The following AGBL1 variants were observed in gnomAD, a reference collection of about 807,000 sequenced individuals.
AGBL1 encodes the protein AGBL carboxypeptidase 1, also known as cytosolic carboxypeptidase 4.
AGBL1 carries 130 observed loss-of-function variants against 118.9 expected under a neutral mutation model. That is an observed-to-expected ratio of 1.09 (90% CI 0.95 to 1.26). The LOEUF (loss-of-function observed/expected upper bound fraction) is 1.26. AGBL1 is among the 50% of genes most tolerant of loss of function. The pLI is 0.00. For missense variants in AGBL1, 1,584 were observed against 1,298.1 expected, an observed-to-expected ratio of 1.22 and a Z score of -3.38; for synonymous variants, 555 against 478.9, an observed-to-expected ratio of 1.16 and a Z score of -2.08.
At chr15:86,600,206 G>C (rs1377035703) in intron 21 of AGBL1, among the ~76,000 whole-genome samples, 1 of 152,066 alleles carries the variant, frequency 6.6e-6, no homozygotes, top group Non-Finnish European at 1.5e-5. Flanking sequence ...ACATTTCTGA[G>C]GACTTTTGAA....
At chr15:86,204,912 G>A (rs1184739305) in intron 5 of AGBL1, among the ~76,000 whole-genome samples, 2 of 152,032 alleles carry the variant, frequency 1.3e-5, no homozygotes, top group South Asian at 2.1e-4. Flanking sequence ...ATCTACATTG[G>A]CACTTCATTG....
intron 22 of AGBL1, among the ~76,000 whole-genome samples, chr15:86,847,957 A>G (rs78204549): frequency 2.0e-5 from 3 of 152,174 alleles, no homozygotes; most frequent in African/African-American, 7.2e-5. Flanking sequence ...TCAGGCTTGC[A>G]GAGAGACTGG....
intron 18 of AGBL1, among the ~76,000 whole-genome samples, chr15:86,493,289 A>C (rs2082807243): frequency 6.6e-6 from 1 of 152,224 alleles, no homozygotes; most frequent in East Asian, 1.9e-4. Flanking sequence ...AAAGAGATGG[A>C]TATAAATGCC....
intron 22 of AGBL1, among the ~76,000 whole-genome samples, chr15:86,682,091 T>C (rs1832723153): frequency 6.6e-6 from 1 of 152,210 alleles, no homozygotes; most frequent in Non-Finnish European, 1.5e-5. Flanking sequence ...CTATTCAGAT[T>C]TTAAAAATTA....
intron 21 of AGBL1, among the ~76,000 whole-genome samples, chr15:86,559,394 T>C (rs4609816): frequency 0.56 from 85,249 of 152,020 alleles, 24,486 homozygotes; most frequent in East Asian, 0.88. Flanking sequence ...TATTGCCATG[T>C]GGTAAAGCCC....
At chr15:86,560,467 A>G (rs1426258304) in intron 21 of AGBL1, among the ~76,000 whole-genome samples, 2 of 152,040 alleles carry the variant, frequency 1.3e-5, no homozygotes, top group African/African-American at 4.8e-5. Flanking sequence ...AAGGACATGA[A>G]CTCATCCTTT....
chr15:86,529,422 G>A (rs775661379), intron 19 of AGBL1, among the ~76,000 whole-genome samples: 4,255 of 132,034 alleles, frequency 0.032, 101 homozygotes, highest in East Asian at 0.079. Flanking sequence ...AGAATAAAAA[G>A]AAATGAGCAA....
intron 21 of AGBL1, among the ~76,000 whole-genome samples, chr15:86,578,653 G>C (rs2084130541): frequency 6.6e-6 from 1 of 152,176 alleles, no homozygotes. Context: ...TAATTGAATT[G>C]TGGGGGCAGG....
intron 18 of AGBL1, among the ~76,000 whole-genome samples, chr15:86,418,751 A>C (rs2081739147): frequency 6.6e-6 from 1 of 152,086 alleles, no homozygotes; most frequent in Non-Finnish European, 1.5e-5. Context: ...TCCCACAGGC[A>C]CCTCTCATAA....
At chr15:86,336,377 C>T (rs1344522445) in intron 17 of AGBL1, among the ~76,000 whole-genome samples, 2 of 152,186 alleles carry the variant, frequency 1.3e-5, no homozygotes, top group East Asian at 3.8e-4. Flanking sequence ...TGAGGTTTCG[C>T]TGATTCAAGT....
At chr15:86,924,279 A>G (rs1466826588) in intron 23 of AGBL1, among the ~76,000 whole-genome samples, 1 of 152,232 alleles carries the variant, frequency 6.6e-6, no homozygotes, top group African/African-American at 2.4e-5. Flanking sequence ...TAATGGTACA[A>G]TGAATGGTCT....
chr15:86,458,289 GA>G lies in AGBL1; in HGVS notation c.2555+60746del, dbSNP rs559626071. 1.5e-3 allele frequency among the ~76,000 whole-genome samples: 231 copies of G among 152,166 alleles called. 1 individual carries two copies. Among genetic ancestry groups the G allele is most frequent in the African/African-American group, 5.4e-3 (225 of 41,554 alleles). ...AATAACTATAATAATTTTATTATAT[GA>G]AATATAATCTTGTAATGGATATATT... On this transcript the variant is annotated intron_variant, in intron 18 of 22. Transcript: ENST00000614907.
At chr15:86,797,286 C>A (rs990833625) in intron 22 of AGBL1, among the ~76,000 whole-genome samples, 3 of 152,208 alleles carry the variant, frequency 2.0e-5, no homozygotes, top group Admixed American at 2.0e-4. Flanking sequence ...AGCTCACTAT[C>A]CCTGGGCTGT....
intron 22 of AGBL1, among the ~76,000 whole-genome samples, chr15:86,864,652 A>T (rs1261621966): frequency 6.6e-6 from 1 of 152,160 alleles, no homozygotes; most frequent in East Asian, 1.9e-4. Context: ...CTTAACTACA[A>T]ATGTCATGAC....
chr15:86,648,185 A>G (rs1390205825), intron 21 of AGBL1, among the ~76,000 whole-genome samples: 1 of 152,092 alleles, frequency 6.6e-6, no homozygotes, highest in Non-Finnish European at 1.5e-5. Context: ...CTTTGCGAAA[A>G]CTGTTTGGGA....
chr15:86,344,946 A>G (rs1290499105), intron 17 of AGBL1, among the ~76,000 whole-genome samples: 1 of 152,136 alleles, frequency 6.6e-6, no homozygotes, highest in Non-Finnish European at 1.5e-5. Context: ...GAGTCATATA[A>G]TGTCATCAGT....
chr15:86,481,903 T>C (rs2082656971), intron 18 of AGBL1, among the ~76,000 whole-genome samples: 1 of 152,096 alleles, frequency 6.6e-6, no homozygotes, highest in African/African-American at 2.4e-5. Context: ...CTCAAATGAC[T>C]CATTTAATAT....
intron 17 of AGBL1, among the ~76,000 whole-genome samples, chr15:86,319,225 TG>T (rs1159979640): frequency 1.3e-5 from 2 of 152,132 alleles, no homozygotes; most frequent in African/African-American, 4.8e-5. Context: ...AGCAGGCAGA[TG>T]TTTAACTTTA....
chr15:86,653,174 G>C (rs1402140066), intron 21 of AGBL1, among the ~76,000 whole-genome samples: 1 of 147,908 alleles, frequency 6.8e-6, no homozygotes, highest in East Asian at 2.0e-4. Flanking sequence ...AAACCAAAAT[G>C]AGTTATGTCA....
Sources: gnomAD v4.1 joint callset for allele counts (sites outside exome capture counted in the v4.1 genomes callset) on GRCh38, gnomAD v4.1.1 for gene constraint, MANE v1.5 for transcripts, NCBI Gene and HGNC (gene_info 2026-07-23, HGNC 2026-07-21) for gene names.